The following NTM variants were observed in gnomAD, a reference collection of about 807,000 sequenced individuals.
NTM encodes IgLON family member 2.
In NTM, 13 loss-of-function variants were observed where a neutral mutation model predicts 42.1. That is an observed-to-expected ratio of 0.31 (90% CI 0.20 to 0.49). The LOEUF (loss-of-function observed/expected upper bound fraction) is 0.49. Among genes scored for constraint, NTM ranks in the 20% least tolerant of loss-of-function variants. NTM has a pLI of 0.99. For synonymous variants in NTM, 187 were observed against 179.2 expected, an observed-to-expected ratio of 1.04 and a Z score of -0.35; for missense variants, 373 against 452.8, an observed-to-expected ratio of 0.82 and a Z score of 1.60.
chr11:131,396,808 C>T (rs112644280), intron 1 of NTM, among the ~76,000 whole-genome samples: 21 of 151,026 alleles, frequency 1.4e-4, no homozygotes, highest in East Asian at 7.8e-4. Context: ...CACTCCAGCC[C>T]GGGCAACAGA....
chr11:131,380,693 C>A (rs970487245), intron 1 of NTM, among the ~76,000 whole-genome samples: 1 of 152,102 alleles, frequency 6.6e-6, no homozygotes, highest in Non-Finnish European at 1.5e-5. Context: ...ATAGCACAGC[C>A]CCTGGGACAA....
chr11:131,661,094 G>A (rs879520347), intron 1 of NTM: 20 of 1,267,682 alleles, frequency 1.6e-5, no homozygotes, highest in Non-Finnish European at 1.9e-5. Flanking sequence ...ACTGGTGGGG[G>A]GGTCTTCCCC....
At chr11:132,069,411 T>A in intron 2 of NTM, among the ~76,000 whole-genome samples, 2 of 97,958 alleles carry the variant, frequency 2.0e-5, no homozygotes, top group Non-Finnish European at 4.2e-5. Context: ...CACGTCAAAC[T>A]GACTGTCACC....
At chr11:131,421,759 C>T (rs1323330019) in intron 1 of NTM, among the ~76,000 whole-genome samples, 1 of 152,204 alleles carries the variant, frequency 6.6e-6, no homozygotes, top group East Asian at 1.9e-4. Context: ...GAACTACCCA[C>T]CTTAGCCTAG....
rs2070531311 is a variant in NTM, at chr11:132,146,823, T to TG, written c.400+309_400+310insG. The TG allele has an allele frequency of 8.8e-6, 3 of 342,854 alleles. No individual in the cohort carries two copies. Among genetic ancestry groups the TG allele is most frequent in the Admixed American group, 4.5e-5 (1 of 22,140 alleles). 21.2% of individuals were successfully genotyped at this position (342,854 alleles called of 1,614,324 possible). On this transcript the variant is annotated intron_variant, in intron 3 of 8. Coordinates refer to ENST00000683400, the MANE Select transcript of NTM (RefSeq NM_001352005.2). The surrounding 1 kb of genome is among the most constrained non-coding windows in gnomAD (Gnocchi z 4.5). ...TTTTAGTTATTTTTGTTTGTTTGTT[T>TG]TTTGTTTTGTTTTGTTTTGTTTTTT...
intron 1 of NTM, among the ~76,000 whole-genome samples, chr11:131,577,198 G>T (rs2058015932): frequency 6.6e-6 from 1 of 152,118 alleles, no homozygotes; most frequent in Non-Finnish European, 1.5e-5. Context: ...GAAGGTTGAA[G>T]AAATCATGTA....
chr11:131,402,788 G>A (rs1945389830), intron 1 of NTM, among the ~76,000 whole-genome samples: 1 of 152,162 alleles, frequency 6.6e-6, no homozygotes, highest in Non-Finnish European at 1.5e-5. Context: ...ACTCTTATTA[G>A]AATTTTACAG....
intron 1 of NTM, among the ~76,000 whole-genome samples, chr11:131,433,818 C>T (rs992766322): frequency 6.6e-6 from 1 of 152,126 alleles, no homozygotes; most frequent in Admixed American, 6.5e-5. Flanking sequence ...AAAAATTATA[C>T]TTTAAGTTCT....
At chr11:131,988,431 C>T (rs760311468) in intron 2 of NTM, among the ~76,000 whole-genome samples, 19 of 152,172 alleles carry the variant, frequency 1.2e-4, no homozygotes, top group Non-Finnish European at 2.8e-4. Flanking sequence ...ATCCTGGGGA[C>T]ACTGCATTGC....
intron 4 of NTM, among the ~76,000 whole-genome samples, chr11:132,254,162 C>T (rs2092264311): frequency 6.6e-6 from 1 of 152,136 alleles, no homozygotes; most frequent in Non-Finnish European, 1.5e-5. Context: ...GCACTTAGCC[C>T]TTAGACGCAC....
At chr11:132,273,410 C>T (rs1487417058) in intron 4 of NTM, among the ~76,000 whole-genome samples, 2 of 129,692 alleles carry the variant, frequency 1.5e-5, no homozygotes, top group African/African-American at 2.9e-5. Context: ...TCTGCCTGGT[C>T]TTGGAATTAG....
In NTM at chr11:132,085,303, C is replaced by T. The variant is rs116000880; in HGVS notation, c.168-60979C>T. Among the ~76,000 whole-genome samples, 468 of 152,318 alleles carry T rather than the reference C, an allele frequency of 3.1e-3. 3 individuals carry two copies. Among genetic ancestry groups the T allele is most frequent in the African/African-American group, 0.011 (440 of 41,564 alleles). On this transcript the variant is annotated intron_variant, in intron 2 of 8. Coordinates refer to ENST00000683400, the MANE Select transcript of NTM (RefSeq NM_001352005.2). Reference sequence around the variant, plus strand: ...ACTTCTTAGCAATTTTTAACTTTAACATAAAATCTGGTAGATTGTTTTAAT... The same window carrying T: ...ACTTCTTAGCAATTTTTAACTTTAATATAAAATCTGGTAGATTGTTTTAAT...
chr11:131,495,255 A>G (rs1437647860), intron 1 of NTM, among the ~76,000 whole-genome samples: 2 of 152,168 alleles, frequency 1.3e-5, no homozygotes, highest in African/African-American at 4.8e-5. Flanking sequence ...TGCCATTCAA[A>G]GAATCCTGCT....
chr11:131,992,031 A>G (rs1370090848), intron 2 of NTM, among the ~76,000 whole-genome samples: 1 of 152,192 alleles, frequency 6.6e-6, no homozygotes, highest in Non-Finnish European at 1.5e-5. Context: ...GATGAAAAAT[A>G]CACAGTTGAT....
chr11:131,372,459 C>T (rs1439401079), intron 1 of NTM, among the ~76,000 whole-genome samples: 1 of 151,450 alleles, frequency 6.6e-6, no homozygotes, highest in African/African-American at 2.4e-5. Context: ...TGTGTGTGTG[C>T]GTGCGTGTGT....
intron 4 of NTM, among the ~76,000 whole-genome samples, chr11:132,297,247 A>T (rs888090366): frequency 1.3e-5 from 2 of 152,194 alleles, no homozygotes; most frequent in Admixed American, 6.5e-5. Context: ...TTAACTATAG[A>T]TTTGACCCCA....
chr11:132,281,585 G>A (rs1038958058), intron 4 of NTM, among the ~76,000 whole-genome samples: 4 of 152,218 alleles, frequency 2.6e-5, no homozygotes, highest in African/African-American at 9.6e-5. Flanking sequence ...ACCCCAGTCT[G>A]TAAGAATAGA....
At chr11:131,399,691 C>A (rs1307933224) in intron 1 of NTM, among the ~76,000 whole-genome samples, 1 of 152,150 alleles carries the variant, frequency 6.6e-6, no homozygotes, top group Non-Finnish European at 1.5e-5. Context: ...GGCCATGGTT[C>A]TCTTGTGGTC....
rs1555213996 is a variant in NTM, at chr11:132,003,255, TTC to T, written c.167+91609_167+91610del. Among the ~76,000 whole-genome samples, 6 of 150,862 alleles carry T rather than the reference TTC, an allele frequency of 4.0e-5. No homozygotes were observed. Among genetic ancestry groups the T allele is most frequent in the African/African-American group, 4.9e-5 (2 of 40,696 alleles). On this transcript the variant is annotated intron_variant, in intron 2 of 8. Transcript: ENST00000683400. This position sits in a 1 kb window ranked among gnomAD's most constrained non-coding sequence, Gnocchi z 6.0. ...CCACCCACACCCTTAGAGTTTTTTT[TTC>T]TTTTTTTTTTTTGACAGGTTATTTG...
Sources: gnomAD v4.1 joint callset for allele counts (sites outside exome capture counted in the v4.1 genomes callset) on GRCh38, gnomAD v4.1.1 for gene constraint, Gnocchi (gnomAD v3.1) non-coding constraint, MANE v1.5 for transcripts, NCBI Gene and HGNC (gene_info 2026-07-23, HGNC 2026-07-21) for gene names.